The following CEACAM19 variants were observed in gnomAD, a reference collection of about 807,000 sequenced individuals.
The protein encoded by CEACAM19 is cell adhesion molecule CEACAM19.
CEACAM19 carries 37 observed loss-of-function variants against 37.6 expected under a neutral mutation model. That is an observed-to-expected ratio of 0.98 (90% confidence interval 0.76 to 1.29). The LOEUF (loss-of-function observed/expected upper bound fraction) is 1.29. CEACAM19 is among the 50% of genes most tolerant of loss of function. The pLI is 0.00. For synonymous variants in CEACAM19, 140 were observed against 149.8 expected (o/e 0.93, Z 0.48); for missense variants, 340 against 375.6 (o/e 0.91, Z 0.78).
rs771715850 is a variant in CEACAM19 at position 44,680,327 on chromosome 19, T to C, written c.699T>C (p.His233=). 19 of 1,609,974 alleles carry C rather than the reference T, an allele frequency of 1.2e-5. 2 individuals carry two copies. The Admixed American group carries it at 1.7e-4, about 14-fold the overall frequency. The stretch of plus-strand genomic sequence containing the variant: ...AGAAGCCAGAATTGGGCCCTGCTCA[T>C]GATGCTGGTAAGGCGGGAGCCCCAG... ...TTEKPELGPA[H]DAGDNNIYEV... Residue 233 remains histidine, a synonymous_variant, in exon 5 of 8, where the codon CAT becomes CAC. Transcript: ENST00000358777.
intron 2 of CEACAM19, 133 bp from the exon 3 acceptor site, chr19:44,676,138 A>G: frequency 1.1e-6 from 1 of 892,512 alleles, no homozygotes; most frequent in East Asian, 2.4e-5. Flanking sequence ...AGCAGGAGAA[A>G]GCTCTGGGCT....
At chr19:44,666,340 C>T (rs1043485390) in intron 1 of CEACAM19, among the ~76,000 whole-genome samples, 12 of 152,108 alleles carry the variant, frequency 7.9e-5, no homozygotes, top group Non-Finnish European at 1.3e-4. Context: ...CAACTTCTCT[C>T]CCGGAGACAG....
chr19:44,676,963 T>G (rs996558974), intron 3 of CEACAM19, among the ~76,000 whole-genome samples: 5 of 152,196 alleles, frequency 3.3e-5, no homozygotes, highest in Non-Finnish European at 5.9e-5. Context: ...TCAGGTAGGC[T>G]GCATCCAGGG....
upstream of CEACAM19, among the ~76,000 whole-genome samples, chr19:44,669,008 CAG>C (rs1973815691): frequency 6.7e-6 from 1 of 149,832 alleles, no homozygotes; most frequent in African/African-American, 2.5e-5. Context: ...TTAGTAGAGA[CAG>C]GGTTTCATCA....
At position 44,678,942 on chromosome 19, in the gene CEACAM19, T is replaced by C. The variant is rs753915476; in HGVS notation, c.659+6T>C. 3 of 1,613,730 alleles carry C rather than the reference T, an allele frequency of 1.9e-6. No individual in the cohort carries two copies. Among genetic ancestry groups the C allele is most frequent in the South Asian group, 2.2e-5 (2 of 90,972 alleles). ...TCAGTGACGCCCAGCACATGGTTGG[T>C]GCTTGTAAATACTTATTTAGTGAAC... is the stretch of plus-strand genomic sequence containing the variant. On this transcript the variant is annotated splice_donor_region_variant and intron_variant, in intron 4 of 7. Coordinates refer to ENST00000358777, the MANE Select transcript of CEACAM19 (RefSeq NM_001127893.3).
upstream of CEACAM19, chr19:44,671,412 A>C (rs940022053): frequency 2.4e-5 from 9 of 371,842 alleles, no homozygotes; most frequent in African/African-American, 1.9e-4. Context: ...GAGCCACCGC[A>C]CCCAGCCTGC....
At position 44,672,963 on chromosome 19, in the gene CEACAM19, T is replaced by C; in HGVS notation, c.423T>C (p.Ala141=). 1 of 1,489,094 alleles carries C rather than the reference T, an allele frequency of 6.7e-7. No homozygotes were observed. The highest frequency in any genetic ancestry group is 9.0e-7 in the Non-Finnish European group (1 of 1,115,560). 92.2% of individuals were successfully genotyped at this position (1,489,094 alleles called of 1,614,324 possible). The part of the protein sequence containing the change: ...TMKAKTEVQV[A]EKNKELPSTH... ...AGGCCAAGACTGAGGTCCAGGTAGC[T>C]GGTAAGTGTTAGGGTCTGGGGATGA... Residue 141 remains alanine (A), a splice_region_variant and synonymous_variant, in exon 2 of 8, where the codon GCT becomes GCC. Coordinates refer to ENST00000358777, the MANE Select transcript of CEACAM19 (RefSeq NM_001127893.3).
rs752318564 is a variant in CEACAM19, at chr19:44,682,554, C to A, written c.793-13C>A. On this transcript the variant is annotated splice_polypyrimidine_tract_variant and intron_variant, in intron 6 of 7. Transcript: ENST00000358777. ...GTGCCGAGCGCCCACTCACCCGTGT[C>A]CTTCCCTTGCAGCCCCTGCCCACAC... is the stretch of plus-strand genomic sequence containing the variant. The A allele has an allele frequency of 1.2e-5, 19 of 1,594,722 alleles. No homozygotes were observed. The highest frequency in any genetic ancestry group is 1.6e-5 in the Non-Finnish European group (19 of 1,170,828).
upstream of CEACAM19, among the ~76,000 whole-genome samples, chr19:44,670,822 G>A (rs866311346): frequency 4.5e-3 from 649 of 144,336 alleles, 10 homozygotes; most frequent in African/African-American, 0.015. Context: ...CAGGCTGAGC[G>A]CGGTGGCTCA....
At chr19:44,682,456 TC>T in intron 6 of CEACAM19, 110 bp from the exon 7 acceptor site, 1 of 1,101,728 alleles carries the variant, frequency 9.1e-7, no homozygotes, top group Non-Finnish European at 1.3e-6. Flanking sequence ...GGCCTCACAG[TC>T]TGGGAGGGGT....
chr19:44,682,683 G>A, intron 7 of CEACAM19, 63 bp downstream of exon 7: 4 of 1,469,926 alleles, frequency 2.7e-6, no homozygotes, highest in South Asian at 1.2e-5. Context: ...CCCGAAGCCG[G>A]GGTGGGGAGG....
chr19:44,682,747 C>T (rs890980477), intron 7 of CEACAM19, 127 bp downstream of exon 7: 17 of 850,050 alleles, frequency 2.0e-5, no homozygotes, highest in African/African-American at 1.4e-4. Context: ...CCAAGCCTCA[C>T]GGTCTCTGCT....
chr19:44,678,878 T>A lies in CEACAM19; in HGVS notation c.601T>A (p.Ser201Thr). Reference protein sequence around the residue: ...HRLPAPRGQGSLSILCSAVSP... With the variant: ...HRLPAPRGQGTLSILCSAVSP... ...ACTGCCTGCTCCGAGGGGCCAGGGATCTCTGTCCATCTTGTGCTCGGCTGT... is the reference window on the plus strand; with the variant it reads ...ACTGCCTGCTCCGAGGGGCCAGGGAACTCTGTCCATCTTGTGCTCGGCTGT... The change falls in exon 4 of 8, where the codon TCT becomes ACT. Residue 201 changes from serine to threonine, a missense_variant. Ser to Thr is a moderately conservative substitution (Grantham distance 58, BLOSUM62 1). Coordinates refer to ENST00000358777, the MANE Select transcript of CEACAM19 (RefSeq NM_001127893.3). 3 of 1,614,006 alleles carry A rather than the reference T, an allele frequency of 1.9e-6. No homozygotes were observed. The highest frequency in any genetic ancestry group is 2.5e-6 in the Non-Finnish European group (3 of 1,179,972).
At position 44,680,352 on chromosome 19, in the gene CEACAM19, G is replaced by C. The variant is rs763110305; in HGVS notation, c.706+18G>C. 2.5e-6 allele frequency: 4 copies of C among 1,606,092 alleles called. No homozygotes were observed. The highest frequency in any genetic ancestry group is 2.7e-5 in the African/African-American group (2 of 74,354). On this transcript the variant is annotated intron_variant, in intron 5 of 7. Transcript: ENST00000358777. ...TGATGCTGGTAAGGCGGGAGCCCCA[G>C]ATCTCACTACCTAGCCCTCCTCTCA...
chr19:44,669,864 T>C (rs752057312), upstream of CEACAM19, among the ~76,000 whole-genome samples: 2 of 152,088 alleles, frequency 1.3e-5, no homozygotes, highest in Non-Finnish European at 2.9e-5. Flanking sequence ...ATCATAATTG[T>C]GTGAGAGGGG....
rs45605232 is a variant in CEACAM19 at position 44,672,678 on chromosome 19, C to G, written c.138C>G (p.Asn46Lys). The G allele has an allele frequency of 8.5e-4, 1,319 of 1,551,638 alleles. 3 individuals carry two copies. Among genetic ancestry groups the G allele is most frequent in the Non-Finnish European group, 1.1e-3 (1,238 of 1,148,260 alleles). The change falls in exon 2 of 8, where the codon AAC (asparagine) becomes AAG (lysine). Residue 46 changes from asparagine (N) to lysine (K), a missense_variant. Transcript: ENST00000358777. ...IQKIPEQPQK[N>K]QDLLLSVQGV... is the part of the protein sequence containing the mutation. ...AGATTCCAGAGCAGCCTCAAAAGAACCAGGACCTTCTCCTGTCAGTCCAGG... is the reference window on the plus strand; with the variant it reads ...AGATTCCAGAGCAGCCTCAAAAGAAGCAGGACCTTCTCCTGTCAGTCCAGG...
upstream of CEACAM19, among the ~76,000 whole-genome samples, chr19:44,667,933 T>G (rs1285575511): frequency 1.3e-5 from 1 of 76,686 alleles, no homozygotes; most frequent in Non-Finnish European, 2.1e-5. Flanking sequence ...ATATAATATA[T>G]AAAATATATA....
At chr19:44,672,549 C>A in intron 1 of CEACAM19, 47 bp from the exon 2 acceptor site, 3 of 1,437,900 alleles carry the variant, frequency 2.1e-6, no homozygotes, top group South Asian at 1.7e-5. Context: ...ATGCCATGGT[C>A]CCTGGCAACA....
upstream of CEACAM19, among the ~76,000 whole-genome samples, chr19:44,668,434 T>C (rs1973785287): frequency 1.6e-5 from 1 of 62,714 alleles, no homozygotes; most frequent in East Asian, 5.8e-4. Context: ...TATATTTATA[T>C]ATTATTATAT....
Sources: gnomAD v4.1 joint callset for allele counts (sites outside exome capture counted in the v4.1 genomes callset) on GRCh38, gnomAD v4.1.1 for gene constraint, MANE v1.5 for transcripts, NCBI Gene and HGNC (gene_info 2026-07-23, HGNC 2026-07-21) for gene names.